Variants in PPP1R12B observed in about 807,000 individuals in gnomAD.
The protein encoded by PPP1R12B is protein phosphatase 1 regulatory subunit 12B.
A neutral mutation model predicts 126.1 loss-of-function variants in PPP1R12B; 76 were observed. That is an observed-to-expected ratio of 0.60 (90% CI 0.50 to 0.73). The LOEUF (loss-of-function observed/expected upper bound fraction) is 0.73. PPP1R12B is among the 30% of genes least tolerant of loss of function. PPP1R12B has a pLI of 0.00. For missense variants in PPP1R12B, 1,052 were observed against 1,205.1 expected, an observed-to-expected ratio of 0.87 and a Z score of 1.88; for synonymous variants, 356 against 434.7, an observed-to-expected ratio of 0.82 and a Z score of 2.25.
chr1:202,533,470 T>G (rs1684204168), intron 18 of PPP1R12B, among the ~76,000 whole-genome samples: 1 of 152,022 alleles, frequency 6.6e-6, no homozygotes, highest in Non-Finnish European at 1.5e-5. Flanking sequence ...TGGGTTTTTT[T>G]GTTTTGTTTT....
intron 18 of PPP1R12B, among the ~76,000 whole-genome samples, chr1:202,531,984 G>T (rs1421366595): frequency 1.3e-5 from 2 of 152,214 alleles, no homozygotes; most frequent in Admixed American, 1.3e-4. Flanking sequence ...ATAAAAGAAT[G>T]ACTCCATAGA....
chr1:202,420,364 A>T (rs1668590874), intron 2 of PPP1R12B, among the ~76,000 whole-genome samples: 1 of 152,240 alleles, frequency 6.6e-6, no homozygotes, highest in Non-Finnish European at 1.5e-5. Flanking sequence ...AGGTTTCATG[A>T]AGGCAAAAGC....
chr1:202,463,946 A>AT (rs1339907803), intron 13 of PPP1R12B, among the ~76,000 whole-genome samples: 1 of 152,144 alleles, frequency 6.6e-6, no homozygotes, highest in Non-Finnish European at 1.5e-5. Context: ...AGGTAGAAAG[A>AT]TTAGGCCTAT....
rs1655372074 is a variant in PPP1R12B, at chr1:202,348,760, T to C, written c.-92T>C. ...AGGGTCTCCGCCCTCTGCTCCGGGC[T>C]GAAGCGCTCTGAGAGAGGCGGCAGC... On this transcript the variant is annotated 5_prime_UTR_variant, in exon 1 of 24. The change abolishes the stop of an existing upstream ORF in the 5' untranslated region. Transcript: ENST00000608999. The C allele has an allele frequency of 6.8e-7, 1 of 1,463,188 alleles. No individual in the cohort carries two copies. Among genetic ancestry groups the C allele is most frequent in the Non-Finnish European group, 9.1e-7 (1 of 1,100,580 alleles). The allele number at this position is 1,463,188 out of a possible 1,614,324, so 90.6% of individuals were successfully genotyped here.
chr1:202,438,074 A>C (rs1292392417), intron 10 of PPP1R12B, 50 bp downstream of exon 10: 1 of 1,600,028 alleles, frequency 6.2e-7, no homozygotes. Context: ...TTTTTTTTCC[A>C]TGAAAATTCA....
At position 202,349,124 on chromosome 1, in the gene PPP1R12B, C is replaced by T. The variant is rs1412417931; in HGVS notation, c.273C>T (p.Gly91=). 3.7e-6 allele frequency: 6 copies of T among 1,613,866 alleles called. No homozygotes were observed. In the Admixed American group the frequency reaches 1.0e-4, roughly 27 times the overall value. The change falls in exon 1 of 24, where the codon GGC becomes GGT. Residue 91 remains glycine, a synonymous_variant. Coordinates refer to ENST00000608999, the MANE Select transcript of PPP1R12B (RefSeq NM_002481.4). ...GADINTVNVD[G]LTALHQACID... ...ATATCAACACGGTCAACGTGGACGGCTTGACAGCCCTGCACCAGGTAACTC... is the reference window on the plus strand; with the variant it reads ...ATATCAACACGGTCAACGTGGACGGTTTGACAGCCCTGCACCAGGTAACTC...
At chr1:202,458,881 G>A (rs1673966613) in intron 13 of PPP1R12B, among the ~76,000 whole-genome samples, 1 of 152,202 alleles carries the variant, frequency 6.6e-6, no homozygotes, top group South Asian at 2.1e-4. Context: ...GATAAATGGG[G>A]CTTTAAAACT....
chr1:202,566,979 T>C (rs1688107920), intron 21 of PPP1R12B, among the ~76,000 whole-genome samples: 1 of 152,228 alleles, frequency 6.6e-6, no homozygotes, highest in South Asian at 2.1e-4. Context: ...CAAAAGGGAC[T>C]TAAGGGTTTT....
At chr1:202,433,775 C>G (rs887439887) in intron 8 of PPP1R12B, among the ~76,000 whole-genome samples, 9 of 152,112 alleles carry the variant, frequency 5.9e-5, no homozygotes, top group Non-Finnish European at 1.3e-4. Flanking sequence ...GGAAATGGGC[C>G]ACCTCACTGT....
rs922471640 is a variant in PPP1R12B at position 202,359,641 on chromosome 1, C to T, written c.291+10499C>T. 1.7e-4 allele frequency among the ~76,000 whole-genome samples: 20 copies of T among 116,882 alleles called. 1 individual carries two copies. The highest frequency in any genetic ancestry group is 6.5e-4 in the African/African-American group (19 of 29,122). 76.7% of individuals were successfully genotyped at this position (116,882 alleles called of 152,430 possible). ...CTAAAAATACGAAAAATTAGCCAGG[C>T]GTGGTGGCGTGTGTCTGTAATCCCA... On this transcript the variant is annotated intron_variant, in intron 1 of 23. Coordinates refer to ENST00000608999, the MANE Select transcript of PPP1R12B (RefSeq NM_002481.4).
chr1:202,507,478 G>T (rs1487466782), intron 18 of PPP1R12B, among the ~76,000 whole-genome samples: 5 of 152,158 alleles, frequency 3.3e-5, no homozygotes, highest in Non-Finnish European at 7.4e-5. Flanking sequence ...GATTGTTTCA[G>T]CTATGAAAGC....
rs569657111 is a variant in PPP1R12B at position 202,410,222 on chromosome 1, G to A, written c.292-6565G>A. The stretch of plus-strand genomic sequence containing the variant: ...TGCTGAAGTAAGCATTGATTTGCAA[G>A]TATTTTCTCCCACTCTATGGACTGC... On this transcript the variant is annotated intron_variant, in intron 1 of 23. Transcript: ENST00000608999. 5 of 152,302 alleles carry A rather than the reference G, an allele frequency of 3.3e-5. No homozygotes were observed. The South Asian group carries it at 8.3e-4, about 25-fold the overall frequency. The allele number at this position is 152,302 out of a possible 1,614,324, so 9.4% of individuals were successfully genotyped here.
chr1:202,362,065 C>CTT (rs112802595), intron 1 of PPP1R12B, among the ~76,000 whole-genome samples: 1 of 142,358 alleles, frequency 7.0e-6, no homozygotes, highest in Admixed American at 7.0e-5. Context: ...AGGCAGATTA[C>CTT]TTTTTTTTTT....
At chr1:202,480,666 C>G (rs180872752) in intron 13 of PPP1R12B, among the ~76,000 whole-genome samples, 144 of 152,180 alleles carry the variant, frequency 9.5e-4, no homozygotes, top group African/African-American at 3.3e-3. Context: ...AAAGACTGTT[C>G]TAAGATCAAA....
chr1:202,354,951 G>A (rs1047412519), intron 1 of PPP1R12B, among the ~76,000 whole-genome samples: 8 of 151,494 alleles, frequency 5.3e-5, no homozygotes, highest in African/African-American at 1.7e-4. Context: ...TCAGCCTCCC[G>A]AGTAGCTGGG....
intron 18 of PPP1R12B, among the ~76,000 whole-genome samples, chr1:202,518,404 T>C (rs1316523220): frequency 6.6e-6 from 1 of 152,192 alleles, no homozygotes; most frequent in Non-Finnish European, 1.5e-5. Context: ...TGAATCATAG[T>C]TTGCTTTACC....
chr1:202,408,608 A>G (rs1378667610), intron 1 of PPP1R12B, among the ~76,000 whole-genome samples: 1 of 152,104 alleles, frequency 6.6e-6, no homozygotes, highest in Non-Finnish European at 1.5e-5. Flanking sequence ...AAAATTATTC[A>G]ATCATTCTCC....
At chr1:202,477,978 G>T (rs1221261526) in intron 13 of PPP1R12B, among the ~76,000 whole-genome samples, 2 of 152,202 alleles carry the variant, frequency 1.3e-5, no homozygotes, top group East Asian at 3.9e-4. Flanking sequence ...GCCAGAAGGC[G>T]AGGGGATAGA....
At chr1:202,379,286 C>T (rs1661816168) in intron 1 of PPP1R12B, among the ~76,000 whole-genome samples, 1 of 152,238 alleles carries the variant, frequency 6.6e-6, no homozygotes. Flanking sequence ...TCATTGATTC[C>T]CAATTGACTG....
Sources: allele counts gnomAD v4.1 joint callset (sites outside exome capture counted in the v4.1 genomes callset), GRCh38; gene constraint gnomAD v4.1.1; transcripts MANE v1.5; gene names NCBI Gene and HGNC (gene_info 2026-07-23, HGNC 2026-07-21).